ZNF37A: variants seen among roughly 807,000 people sequenced by gnomAD.
ZNF37A encodes the protein zinc finger protein 37a (KOX 21).
A neutral mutation model predicts 12.3 loss-of-function variants in ZNF37A; 10 were observed. The observed-to-expected ratio is 0.82, with a 90% CI of 0.50 to 1.38. ZNF37A has a LOEUF of 1.38. Among genes scored for constraint, ZNF37A ranks in the 40% most tolerant of loss-of-function variants. The pLI is 0.00. For synonymous variants in ZNF37A, 207 were observed against 223.0 expected, an observed-to-expected ratio of 0.93 and a Z score of 0.64; for missense variants, 580 against 651.2, an observed-to-expected ratio of 0.89 and a Z score of 1.19.
chr10:38,112,811 T>TTGG lies in ZNF37A; in HGVS notation c.16-1943_16-1942insGGT, dbSNP rs1200209330. On this transcript the variant is annotated intron_variant, in intron 5 of 7. Transcript: ENST00000685332. ...TTTTCTTTTCTTGTCTTGTCTTGTC[T>TTGG]TCTTTTCTTTTCTTTCACAGAGTTT... Among the ~76,000 whole-genome samples, 60 of 78,606 alleles carry TTGG rather than the reference T, an allele frequency of 7.6e-4. 2 individuals carry two copies. Among genetic ancestry groups the TTGG allele is most frequent in the East Asian group, 1.9e-3 (4 of 2,116 alleles). The allele number at this position is 78,606 out of a possible 152,430, so 51.6% of individuals were successfully genotyped here.
intron 5 of ZNF37A, among the ~76,000 whole-genome samples, chr10:38,107,043 A>G (rs932270014): frequency 6.6e-6 from 1 of 152,170 alleles, no homozygotes; most frequent in Non-Finnish European, 1.5e-5. Flanking sequence ...AACCCAAGAC[A>G]CATAATCATC....
intron 5 of ZNF37A, among the ~76,000 whole-genome samples, chr10:38,110,725 G>GA (rs1411870232): frequency 4.6e-5 from 7 of 152,042 alleles, no homozygotes; most frequent in African/African-American, 1.7e-4. Context: ...ACAAACATAT[G>GA]AAAAAAAGCT....
At chr10:38,146,861 A>C in exon 8 of ZNF37A, 1 of 397,746 alleles carries the variant, frequency 2.5e-6, no homozygotes, top group East Asian at 3.6e-5. Flanking sequence ...ATAAAGTGCA[A>C]AGTGGGAATC....
intron 7 of ZNF37A, among the ~76,000 whole-genome samples, chr10:38,146,408 C>A (rs931621124): frequency 1.3e-5 from 2 of 152,172 alleles, no homozygotes; most frequent in Non-Finnish European, 2.9e-5. Flanking sequence ...GCCCAACCCA[C>A]AACAGGCGTT....
downstream of ZNF37A, among the ~76,000 whole-genome samples, chr10:38,128,667 G>A (rs1264767060): frequency 1.3e-5 from 2 of 152,080 alleles, no homozygotes; most frequent in Non-Finnish European, 2.9e-5. Context: ...ATGACATTCT[G>A]GAATCTGAGT....
At chr10:38,113,186 GCT>G (rs1165561564) in intron 5 of ZNF37A, among the ~76,000 whole-genome samples, 1 of 144,168 alleles carries the variant, frequency 6.9e-6, no homozygotes, top group African/African-American at 2.6e-5. Flanking sequence ...ATTTTGGAAT[GCT>G]CTTTTTTTAG....
At chr10:38,137,827 A>G (rs1200279532) in intron 7 of ZNF37A, 1 of 152,176 alleles carries the variant, frequency 6.6e-6, no homozygotes, top group African/African-American at 2.4e-5. Context: ...GCCTCAGCCA[A>G]TTTCTTCCAA....
intron 7 of ZNF37A, among the ~76,000 whole-genome samples, chr10:38,130,559 T>C (rs148609865): frequency 2.0e-5 from 3 of 152,172 alleles, no homozygotes; most frequent in African/African-American, 4.8e-5. Flanking sequence ...CTTCAGAGTT[T>C]AAGTGATTCT....
At chr10:38,145,472 T>A (rs1339324110) in intron 7 of ZNF37A, among the ~76,000 whole-genome samples, 1 of 152,226 alleles carries the variant, frequency 6.6e-6, no homozygotes, top group East Asian at 1.9e-4. Flanking sequence ...CTTTAAAATA[T>A]GTGTGGGAAA....
chr10:38,131,370 G>A (rs1038400646), intron 7 of ZNF37A, among the ~76,000 whole-genome samples: 32 of 152,032 alleles, frequency 2.1e-4, no homozygotes, highest in African/African-American at 7.5e-4. Flanking sequence ...ATTAATTTTT[G>A]CATGTGTTGT....
At chr10:38,127,977 A>C (rs999517859), downstream of ZNF37A, among the ~76,000 whole-genome samples, 4 of 152,170 alleles carry the variant, frequency 2.6e-5, no homozygotes, top group African/African-American at 9.7e-5. Flanking sequence ...ACACATAGGC[A>C]GTTGAAACTG....
intron 5 of ZNF37A, among the ~76,000 whole-genome samples, chr10:38,109,007 G>A (rs373628613): frequency 2.0e-5 from 3 of 151,978 alleles, no homozygotes; most frequent in Non-Finnish European, 2.9e-5. Context: ...TCCTGATACC[G>A]AAACATTGCA....
intron 5 of ZNF37A, among the ~76,000 whole-genome samples, chr10:38,110,307 C>T (rs886254861): frequency 3.3e-5 from 5 of 152,126 alleles, no homozygotes; most frequent in African/African-American, 1.2e-4. Flanking sequence ...AACTGGACCC[C>T]TTCCTTACAC....
intron 5 of ZNF37A, among the ~76,000 whole-genome samples, chr10:38,114,449 G>A (rs1036862166): frequency 2.0e-5 from 3 of 152,134 alleles, no homozygotes; most frequent in Non-Finnish European, 4.4e-5. Flanking sequence ...GAGAAGATAT[G>A]TTCCTCTCTT....
chr10:38,110,805 T>C (rs968866635), intron 5 of ZNF37A, among the ~76,000 whole-genome samples: 2 of 152,184 alleles, frequency 1.3e-5, no homozygotes, highest in Non-Finnish European at 2.9e-5. Flanking sequence ...CCAGTTAGAA[T>C]AGCAATCATT....
chr10:38,130,452 A>G (rs2070007396), downstream of ZNF37A, among the ~76,000 whole-genome samples: 1 of 151,694 alleles, frequency 6.6e-6, no homozygotes, highest in Non-Finnish European at 1.5e-5. Context: ...AAAACACCAC[A>G]CTATTTTCTT....
chr10:38,097,758 T>A (rs1005798596), intron 5 of ZNF37A, among the ~76,000 whole-genome samples: 2 of 151,972 alleles, frequency 1.3e-5, no homozygotes, highest in African/African-American at 4.8e-5. Context: ...GCAATAACTT[T>A]CAAGAGATTC....
intron 7 of ZNF37A, among the ~76,000 whole-genome samples, chr10:38,116,308 A>T (rs1002893076): frequency 6.6e-6 from 1 of 152,226 alleles, no homozygotes; most frequent in South Asian, 2.1e-4. Flanking sequence ...ATATTTTAAA[A>T]TTCAGTGTTT....
rs374560402 is a variant in ZNF37A at position 38,117,969 on chromosome 10, G to A, written c.818G>A (p.Cys273Tyr). Residue 273 changes from cysteine (C) to tyrosine (Y), a missense_variant, in exon 8 of 8, where the codon TGT becomes TAT. Coordinates refer to ENST00000685332, the MANE Select transcript of ZNF37A (RefSeq NM_001324250.3). ...CATACAGGAGAAAAACCTTATGAAT[G>A]TCATGAATGTGGAAAAACCTTCACC... ...RTHTGEKPYE[C>Y]HECGKTFTQK... The A allele has an allele frequency of 5.6e-5, 90 of 1,613,792 alleles. No homozygotes were observed. Among genetic ancestry groups the A allele is most frequent in the African/African-American group, 5.3e-4 (40 of 74,890 alleles).
Sources: allele counts gnomAD v4.1 joint callset (sites outside exome capture counted in the v4.1 genomes callset), GRCh38; gene constraint gnomAD v4.1.1; transcripts MANE v1.5; gene names NCBI Gene and HGNC (gene_info 2026-07-23, HGNC 2026-07-21).